Variants in SBF1 observed in about 807,000 individuals in gnomAD.
SBF1 encodes SET binding factor 1, also known as myotubularin-related protein 5.
Under a neutral mutation model 215.8 loss-of-function variants are expected in SBF1, and 65 were observed. The ratio of observed to expected loss-of-function variants is 0.30; its 90% CI spans 0.25 to 0.37. SBF1 has a LOEUF of 0.37. SBF1 is among the 10% of genes least tolerant of loss of function. The pLI, the probability that SBF1 is intolerant of heterozygous loss-of-function variation, is 1.00. For synonymous variants in SBF1, 1,410 were observed against 1,122.8 expected, an observed-to-expected ratio of 1.26 and a Z score of -5.11; for missense variants, 2,634 against 2,667.8, an observed-to-expected ratio of 0.99 and a Z score of 0.28.
rs2068119421 is a variant in SBF1, at chr22:50,474,767, G to C, written c.55+19C>G. 6.8e-7 allele frequency: 1 copy of C among 1,460,560 alleles called. No individual in the cohort carries two copies. The highest frequency in any genetic ancestry group is 9.0e-7 in the Non-Finnish European group (1 of 1,109,984). The allele number at this position is 1,460,560 out of a possible 1,614,324, so 90.5% of individuals were successfully genotyped here. A position where few individuals can be genotyped will look rare whatever the true frequency, so the allele number is the denominator to read the frequency against. On this transcript the variant is annotated intron_variant, in intron 1 of 40. Transcript: ENST00000380817. ...CGACCCTCGGCCCCCGGCCCTCAGC[G>C]CTTGGCCTCGGCACTCACCGCGCGG...
At chr22:50,451,592 T>C (rs539720813) in intron 36 of SBF1, among the ~76,000 whole-genome samples, 1 of 152,006 alleles carries the variant, frequency 6.6e-6, no homozygotes, top group African/African-American at 2.4e-5. Flanking sequence ...TTGACAAAAA[T>C]GATCATCCCA....
chr22:50,474,299 C>T (rs952671938), intron 1 of SBF1, among the ~76,000 whole-genome samples: 1 of 152,252 alleles, frequency 6.6e-6, no homozygotes, highest in African/African-American at 2.4e-5. Flanking sequence ...CTTTGCACCC[C>T]GCCAAGACCG....
chr22:50,464,634 G>T lies in SBF1; in HGVS notation c.1536C>A (p.Thr512=), dbSNP rs959615950. Residue 512 remains threonine, a synonymous_variant, in exon 14 of 41, where the codon ACC becomes ACA. Transcript: ENST00000380817. ...PRPFPRLDEG[T]VQWIVDQAAA... ...CAGCCTGGTCCACGATCCACTGCACGGTGCCCTCATCCAGCCGGGGGAAGG... is the reference window on the plus strand; with the variant it reads ...CAGCCTGGTCCACGATCCACTGCACTGTGCCCTCATCCAGCCGGGGGAAGG... The T allele has an allele frequency of 6.2e-7, 1 of 1,610,320 alleles. No homozygotes were observed. Among genetic ancestry groups the T allele is most frequent in the Non-Finnish European group, 8.5e-7 (1 of 1,179,792 alleles).
Position 50,459,408 on chromosome 22 carries a change from G to C in SBF1, c.3689-16C>G. ...TGGGACTGGCCTGGGGGAGGACACGGAGCTGAGGGAGGGGAGGGTGAGATA... is the reference window on the plus strand; with the variant it reads ...TGGGACTGGCCTGGGGGAGGACACGCAGCTGAGGGAGGGGAGGGTGAGATA... On this transcript the variant is annotated splice_polypyrimidine_tract_variant and intron_variant, in intron 27 of 40. Coordinates refer to ENST00000380817, the MANE Select transcript of SBF1 (RefSeq NM_002972.4). 6.2e-7 allele frequency: 1 copy of C among 1,612,044 alleles called. No individual in the cohort carries two copies. The highest frequency in any genetic ancestry group is 8.5e-7 in the Non-Finnish European group (1 of 1,179,206).
In SBF1 at chr22:50,447,628, C is replaced by G; in HGVS notation, c.5364-19G>C. On this transcript the variant is annotated intron_variant, in intron 38 of 40. Coordinates refer to ENST00000380817, the MANE Select transcript of SBF1 (RefSeq NM_002972.4). ...GTAGGACCTGCATTTCCAGCAGAAC[C>G]AGGGCCAGGCTGACCGTCATGGCCC... 1 of 1,577,970 alleles carries G rather than the reference C, an allele frequency of 6.3e-7. No homozygotes were observed.
At chr22:50,469,956 G>T (rs1036016548) in intron 1 of SBF1, among the ~76,000 whole-genome samples, 1 of 152,280 alleles carries the variant, frequency 6.6e-6, no homozygotes, top group African/African-American at 2.4e-5. Context: ...GCGGTGAGGG[G>T]CCGATTCTGA....
chr22:50,445,443 T>C lies in SBF1; in HGVS notation c.*1699A>G, dbSNP rs1425159137. ...CCCACCCCGCCCCAGCGAGCTTGTC[T>C]TTCCACCACGGTTGGGGGTGGAGGG... On this transcript the variant is annotated 3_prime_UTR_variant, in exon 41 of 41. Transcript: ENST00000380817. The C allele has an allele frequency of 1.3e-5, 2 of 152,236 alleles. No individual in the cohort carries two copies. Among genetic ancestry groups the C allele is most frequent in the Non-Finnish European group, 2.9e-5 (2 of 68,086 alleles). 9.4% of individuals were successfully genotyped at this position (152,236 alleles called of 1,614,324 possible).
intron 2 of SBF1, 112 bp downstream of exon 2, chr22:50,468,264 G>T: frequency 1.9e-6 from 2 of 1,044,624 alleles, no homozygotes; most frequent in Non-Finnish European, 1.4e-6. Context: ...CTTGTCCCTA[G>T]CCCAGCGGGG....
rs2067407761 is a variant in SBF1, at chr22:50,459,477, A to T, written c.3681T>A (p.Pro1227=). 6.2e-7 allele frequency: 1 copy of T among 1,610,610 alleles called. No individual in the cohort carries two copies. Among genetic ancestry groups the T allele is most frequent in the Admixed American group, 1.7e-5 (1 of 59,958 alleles). ...VVGLFKAQNA[P]SPGQSQADSS... ...GCAGGACGCAGGAGGTACCTGGAGA[A>T]GGTGCGTTCTGGGCCTTGAAGAGGC... Residue 1227 remains proline (P), a synonymous_variant, in exon 27 of 41, where the codon CCT becomes CCA. Transcript: ENST00000380817.
chr22:50,461,473 A>G (rs2067508460), intron 22 of SBF1, 50 bp downstream of exon 22: 1 of 1,538,010 alleles, frequency 6.5e-7, no homozygotes, highest in African/African-American at 1.4e-5. Flanking sequence ...CATCCATCCC[A>G]AAGACCTGGG....
intron 39 of SBF1, 28 bp downstream of exon 39, chr22:50,447,494 G>A (rs963308468): frequency 6.2e-6 from 10 of 1,609,590 alleles, no homozygotes; most frequent in African/African-American, 1.3e-5. Flanking sequence ...CCTCCCCCGT[G>A]AGTCCCCCCC....
Position 50,466,086 on chromosome 22 carries a change from G to C in SBF1, c.898-12C>G, listed in dbSNP as rs1481481617. The stretch of plus-strand genomic sequence containing the variant: ...ACAATCACATCGAGCTGCGGACCAA[G>C]GGAGCCGGCAGTCAGGGACCTGCAG... On this transcript the variant is annotated splice_polypyrimidine_tract_variant and intron_variant, in intron 8 of 40. Coordinates refer to ENST00000380817, the MANE Select transcript of SBF1 (RefSeq NM_002972.4). 2 of 1,613,460 alleles carry C rather than the reference G, an allele frequency of 1.2e-6. No homozygotes were observed. Among genetic ancestry groups the C allele is most frequent in the Non-Finnish European group, 1.7e-6 (2 of 1,179,894 alleles).
At chr22:50,457,339 A>G (rs757266989) in intron 28 of SBF1, 2 of 429,078 alleles carry the variant, frequency 4.7e-6, no homozygotes, top group Non-Finnish European at 8.2e-6. Context: ...CAGAAGGGCT[A>G]TGCGGTGGGG....
rs756954512 is a variant in SBF1 at position 50,464,813 on chromosome 22, T to C, written c.1431+6A>G. On this transcript the variant is annotated splice_donor_region_variant and intron_variant, in intron 13 of 40. Transcript: ENST00000380817. Reference sequence around the variant, plus strand: ...ACGACGCCCTCCCGTCCTGCTACCCTCGTACGTTCTTGTAGAGCTGCTCTG... The same window carrying C: ...ACGACGCCCTCCCGTCCTGCTACCCCCGTACGTTCTTGTAGAGCTGCTCTG... 2 of 1,613,484 alleles carry C rather than the reference T, an allele frequency of 1.2e-6. No individual in the cohort carries two copies. Among genetic ancestry groups the C allele is most frequent in the East Asian group, 2.2e-5 (1 of 44,876 alleles).
Position 50,456,657 on chromosome 22 carries a change from G to T in SBF1, c.3921C>A (p.Val1307=). 1 of 1,488,134 alleles carries T rather than the reference G, an allele frequency of 6.7e-7. No homozygotes were observed. The highest frequency in any genetic ancestry group is 8.9e-7 in the Non-Finnish European group (1 of 1,118,952). 92.2% of individuals were successfully genotyped at this position (1,488,134 alleles called of 1,614,324 possible). The change falls in exon 30 of 41, where the codon GTC becomes GTA. Residue 1307 remains valine (V), a synonymous_variant. Coordinates refer to ENST00000380817, the MANE Select transcript of SBF1 (RefSeq NM_002972.4). ...RTAPRGKWGS[V]RTSGRSSGLG... is the part of the protein sequence containing the mutation. The stretch of plus-strand genomic sequence containing the variant: ...GGCCACTGCTGCGTCCACTGGTCCG[G>T]ACACTGCCCCACTTACCTGTGAAGG...
intron 31 of SBF1, 106 bp downstream of exon 31, chr22:50,456,110 A>G: frequency 8.2e-7 from 1 of 1,216,960 alleles, no homozygotes; most frequent in Admixed American, 2.7e-5. Flanking sequence ...TCCTCCTTCC[A>G]GCGCTCCACA....
rs747975525 is a variant in SBF1, at chr22:50,462,055, CGCA to C, written c.2458_2460del (p.Cys820del). Reference sequence around the variant, plus strand: ...AAGCGGACCACAGCCCCAGCTACGTCGCAGGTCTCTGCATCCTCGAAGCCGCTC... The same window carrying C: ...AAGCGGACCACAGCCCCAGCTACGTCGGTCTCTGCATCCTCGAAGCCGCTC... On this transcript the variant is annotated inframe_deletion, in exon 20 of 41. Coordinates refer to ENST00000380817, the MANE Select transcript of SBF1 (RefSeq NM_002972.4). 1.9e-6 allele frequency: 3 copies of C among 1,614,088 alleles called. No homozygotes were observed. The highest frequency in any genetic ancestry group is 2.5e-6 in the Non-Finnish European group (3 of 1,180,056).
chr22:50,465,580 G>A (rs925530672), intron 10 of SBF1, among the ~76,000 whole-genome samples, 183 bp downstream of exon 10: 3 of 152,158 alleles, frequency 2.0e-5, no homozygotes, highest in African/African-American at 7.2e-5. Context: ...CTGCCGCCTC[G>A]CCTGCACCAC....
chr22:50,446,633 G>A lies in SBF1; in HGVS notation c.*509C>T. Reference sequence around the variant, plus strand: ...GCCTCCTGCTCGATCCGCCCCCAGAGCAAAGTCACTCCCAGGGACATGCAG... The same window carrying A: ...GCCTCCTGCTCGATCCGCCCCCAGAACAAAGTCACTCCCAGGGACATGCAG... On this transcript the variant is annotated 3_prime_UTR_variant, in exon 41 of 41. Transcript: ENST00000380817. 2.8e-6 allele frequency: 1 copy of A among 354,718 alleles called. No individual in the cohort carries two copies. The highest frequency in any genetic ancestry group is 5.6e-6 in the Non-Finnish European group (1 of 179,056). The allele number at this position is 354,718 out of a possible 1,614,324, so 22.0% of individuals were successfully genotyped here. A position where few individuals can be genotyped will look rare whatever the true frequency, so the allele number is the denominator to read the frequency against.
Sources: gnomAD v4.1 joint callset for allele counts (sites outside exome capture counted in the v4.1 genomes callset) on GRCh38, gnomAD v4.1.1 for gene constraint, MANE v1.5 for transcripts, NCBI Gene and HGNC (gene_info 2026-07-23, HGNC 2026-07-21) for gene names.